The following WDR62 variants were observed in gnomAD, a reference collection of about 807,000 sequenced individuals.
WDR62 encodes WD repeat domain 62, also known as WD repeat-containing protein 62.
WDR62 carries 112 observed loss-of-function variants against 160.6 expected under a neutral mutation model. The observed-to-expected ratio is 0.70, with a 90% confidence interval of 0.60 to 0.82. WDR62 has a LOEUF of 0.82. WDR62 is among the 40% of genes least tolerant of loss of function. The probability of loss-of-function intolerance (pLI) is 0.00; values close to 1 mark genes in which losing one functional copy is unlikely to be tolerated. For missense variants in WDR62, 1,819 were observed against 1,983.8 expected (o/e 0.92, Z 1.58); for synonymous variants, 792 against 815.1 (o/e 0.97, Z 0.48).
chr19:36,060,062 G>A (rs904320782), intron 3 of WDR62, 32 bp downstream of exon 3: 29 of 1,611,946 alleles, frequency 1.8e-5, no homozygotes, highest in Non-Finnish European at 2.3e-5. Flanking sequence ...GGGCAGGGGT[G>A]GAACCAGGGG....
At chr19:36,101,051 G>A (rs1973298156) in intron 23 of WDR62, among the ~76,000 whole-genome samples, 163 bp from the exon 24 acceptor site, 1 of 152,184 alleles carries the variant, frequency 6.6e-6, no homozygotes, top group African/African-American at 2.4e-5. Flanking sequence ...GTACAGGAGG[G>A]CCTGACCTGG....
intron 8 of WDR62, among the ~76,000 whole-genome samples, chr19:36,072,796 C>T (rs1385080770): frequency 1.3e-5 from 2 of 152,136 alleles, no homozygotes; most frequent in African/African-American, 4.8e-5. Context: ...GTGACTATAC[C>T]TCCCTGTGCT....
At chr19:36,079,992 A>G (rs1971796758) in intron 9 of WDR62, among the ~76,000 whole-genome samples, 1 of 151,998 alleles carries the variant, frequency 6.6e-6, no homozygotes, top group South Asian at 2.1e-4. Context: ...AAATCTCTTT[A>G]TATGGTGGCT....
rs1335562842 is a variant in WDR62, at chr19:36,105,001, C to T, written c.4545C>T (p.Ala1515=). The T allele has an allele frequency of 5.0e-6, 8 of 1,601,322 alleles. No individual in the cohort carries two copies. Among genetic ancestry groups the T allele is most frequent in the African/African-American group, 2.7e-5 (2 of 74,818 alleles). ...ACTACTCGGAGCTGCTGGTGCAGGC[C>T]GTGCGGAGGAAGGCACGGGGGCACT... ...LEHYSELLVQ[A]VRRKARGH Residue 1515 remains alanine, a synonymous_variant, in exon 32 of 32, where the codon GCC becomes GCT. Transcript: ENST00000401500.
At chr19:36,085,609 A>G (rs1972179531) in intron 12 of WDR62, among the ~76,000 whole-genome samples, 1 of 151,464 alleles carries the variant, frequency 6.6e-6, no homozygotes, top group Non-Finnish European at 1.5e-5. Flanking sequence ...CACCCGGCTA[A>G]TTTTTGTATT....
At chr19:36,090,364 G>A in intron 15 of WDR62, 81 bp from the exon 16 acceptor site, 2 of 1,369,426 alleles carry the variant, frequency 1.5e-6, no homozygotes, top group Non-Finnish European at 2.1e-6. Context: ...TTCCAGGGGA[G>A]GGGAGGACAG....
chr19:36,064,403 G>A (rs868670141), intron 3 of WDR62, among the ~76,000 whole-genome samples: 62 of 151,948 alleles, frequency 4.1e-4, no homozygotes, highest in African/African-American at 1.3e-3. Context: ...AGCCTCCCAA[G>A]TAGCTGGGAC....
chr19:36,104,476 G>C, intron 30 of WDR62, 42 bp from the exon 31 acceptor site: 1 of 1,610,532 alleles, frequency 6.2e-7, no homozygotes, highest in Non-Finnish European at 8.5e-7. Flanking sequence ...TCACACCAAT[G>C]GAATGCAGCT....
intron 25 of WDR62, 87 bp from the exon 26 acceptor site, chr19:36,101,927 G>C: frequency 6.3e-7 from 1 of 1,599,998 alleles, no homozygotes. Flanking sequence ...GGCAGGGATG[G>C]GTGGGGCCCG....
chr19:36,098,927 A>T (rs1973142854), intron 21 of WDR62, among the ~76,000 whole-genome samples: 1 of 152,092 alleles, frequency 6.6e-6, no homozygotes, highest in Admixed American at 6.6e-5. Flanking sequence ...CTCTACCAAA[A>T]ACCAACAAAA....
rs756425549 is a variant in WDR62, at chr19:36,089,221, G to A, written c.1873G>A (p.Val625Ile). 15 of 1,614,100 alleles carry A rather than the reference G, an allele frequency of 9.3e-6. No homozygotes were observed. In the African/African-American group the frequency reaches 1.3e-4, roughly 14 times the overall value. The change falls in exon 15 of 32, where the codon GTA (valine) becomes ATA (isoleucine). Residue 625 changes from valine to isoleucine, a missense_variant. Physicochemically the swap from Val to Ile is conservative, Grantham distance 29. This residue lies in a region of WDR62 where 934 missense variants were observed against 1,157.2 expected (regional missense o/e 0.81). Coordinates refer to ENST00000401500, the MANE Select transcript of WDR62 (RefSeq NM_001083961.2). ...ACTACACTTTGTCCGTACCCACCAC[G>A]TAGCAGAGAAAACCACCTTGTATGA... ...DGLHFVRTHH[V>I]AEKTTLYDMD...
rs754881555 is a variant in WDR62, at chr19:36,100,735, G to A, written c.2740-13G>A. The A allele has an allele frequency of 1.9e-6, 3 of 1,613,832 alleles. No homozygotes were observed. In the Admixed American group the frequency reaches 5.0e-5, roughly 27 times the overall value. On this transcript the variant is annotated splice_polypyrimidine_tract_variant and intron_variant, in intron 22 of 31. Coordinates refer to ENST00000401500, the MANE Select transcript of WDR62 (RefSeq NM_001083961.2). ...ATGCCTGCCTCAGAATGGCTGTGCT[G>A]TCTTCCCCATAGTCAGAGAGTCCCC...
In WDR62 at chr19:36,094,176, G is replaced by A; in HGVS notation, c.2467+12G>A. ...TAGCTTGGATCCAGGTTGGAAAAGG[G>A]GCCCTATTTTGAACTATGTCAGTGT... On this transcript the variant is annotated intron_variant, in intron 20 of 31. Transcript: ENST00000401500. The A allele has an allele frequency of 6.2e-7, 1 of 1,613,732 alleles. No homozygotes were observed. Among genetic ancestry groups the A allele is most frequent in the Non-Finnish European group, 8.5e-7 (1 of 1,179,932 alleles).
intron 24 of WDR62, 125 bp from the exon 25 acceptor site, chr19:36,101,539 G>A: frequency 1.2e-6 from 1 of 827,118 alleles, no homozygotes; most frequent in Non-Finnish European, 2.0e-6. Context: ...TTCATAAAAT[G>A]GGGGGCAGCT....
chr19:36,073,646 C>A, intron 9 of WDR62, 115 bp downstream of exon 9: 1 of 860,628 alleles, frequency 1.2e-6, no homozygotes, highest in Non-Finnish European at 1.9e-6. Context: ...TCCTATGCAT[C>A]AGGCCCTGTC....
At chr19:36,076,557 CAAAAAAA>C (rs889230931) in intron 9 of WDR62, among the ~76,000 whole-genome samples, 19 of 108,370 alleles carry the variant, frequency 1.8e-4, no homozygotes, top group Non-Finnish European at 3.3e-4. Flanking sequence ...GATCCTATCT[CAAAAAAA>C]AAAAAAAGAA....
the WDR62 span, among the ~76,000 whole-genome samples, chr19:36,110,176 G>A: frequency 6.6e-6 from 1 of 150,760 alleles, no homozygotes; most frequent in African/African-American, 2.4e-5. Flanking sequence ...GCTGTGTCAA[G>A]AGACCCCCTT....
intron 22 of WDR62, 112 bp downstream of exon 22, chr19:36,099,729 G>A (rs1973213945): frequency 3.7e-6 from 4 of 1,078,964 alleles, no homozygotes; most frequent in South Asian, 2.6e-5. Flanking sequence ...TACATGAGAT[G>A]GTGAAGGGCA....
intron 9 of WDR62, chr19:36,074,401 T>A (rs1244790517): frequency 6.6e-6 from 1 of 152,554 alleles, no homozygotes; most frequent in Non-Finnish European, 1.5e-5. Flanking sequence ...GGCTCATGCC[T>A]GTAGTCCCAG....
Sources: allele counts gnomAD v4.1 joint callset (sites outside exome capture counted in the v4.1 genomes callset), GRCh38; gene constraint gnomAD v4.1.1; regional missense constraint gnomAD v4.1.1; transcripts MANE v1.5; gene names NCBI Gene and HGNC (gene_info 2026-07-23, HGNC 2026-07-21).